The following EPHB1 variants were observed in gnomAD, a reference collection of about 807,000 sequenced individuals.
EPHB1 encodes ephrin type-B receptor 1.
EPHB1 carries 30 observed loss-of-function variants against 94.4 expected under a neutral mutation model. The observed-to-expected ratio is 0.32, with a 90% CI of 0.24 to 0.43. EPHB1 has a LOEUF of 0.43. Ranked by LOEUF, EPHB1 falls within the 20% of genes least tolerant of loss-of-function variation. The probability of loss-of-function intolerance (pLI) is 1.00; values close to 1 mark genes in which losing one functional copy is unlikely to be tolerated. For synonymous variants in EPHB1, 522 were observed against 489.1 expected, an observed-to-expected ratio of 1.07 and a Z score of -0.89; for missense variants, 1,055 against 1,308.3, an observed-to-expected ratio of 0.81 and a Z score of 2.99.
intron 3 of EPHB1, among the ~76,000 whole-genome samples, chr3:135,018,043 A>G (rs1470187656): frequency 6.6e-6 from 1 of 152,154 alleles, no homozygotes; most frequent in Non-Finnish European, 1.5e-5. Context: ...CAGAGGAGGT[A>G]GGAGAAGCAG....
intron 1 of EPHB1, among the ~76,000 whole-genome samples, chr3:134,844,826 AAG>A (rs1325557932): frequency 5.9e-5 from 9 of 152,106 alleles, no homozygotes; most frequent in African/African-American, 2.2e-4. Context: ...GCTTTTTTCA[AAG>A]AGAGTTTGCC....
At position 135,260,038 on chromosome 3, in the gene EPHB1, A is replaced by C. The variant is rs1933575626; in HGVS notation, c.*918A>C. On this transcript the variant is annotated 3_prime_UTR_variant, in exon 16 of 16. Transcript: ENST00000398015. ...GGAAGAGAGGAGAGGGAGAAAAATAAAATGAAAGGAAAAAAAAAAGTTTGC... is the reference window on the plus strand; with the variant it reads ...GGAAGAGAGGAGAGGGAGAAAAATACAATGAAAGGAAAAAAAAAAGTTTGC... 1 of 231,922 alleles carries C rather than the reference A, an allele frequency of 4.3e-6. No homozygotes were observed. The highest frequency in any genetic ancestry group is 8.6e-6 in the Non-Finnish European group (1 of 116,950). The allele number at this position is 231,922 out of a possible 1,614,324, so 14.4% of individuals were successfully genotyped here. A position where few individuals can be genotyped will look rare whatever the true frequency, so the allele number is the denominator to read the frequency against.
At chr3:135,163,694 A>G (rs565064467) in intron 7 of EPHB1, among the ~76,000 whole-genome samples, 1 of 152,360 alleles carries the variant, frequency 6.6e-6, no homozygotes, top group African/African-American at 2.4e-5. Flanking sequence ...TCTGCTAGAC[A>G]AATCAAGAAG....
chr3:135,183,034 C>CT lies in EPHB1; in HGVS notation c.1882+3055dup, dbSNP rs10694308. ...TCTTTTCTTTTCTTTTCTTTTCTTTCTTTCTTTCTTTCTTTCTTTCTTTCT... is the reference window on the plus strand; with the variant it reads ...TCTTTTCTTTTCTTTTCTTTTCTTTCTTTTCTTTCTTTCTTTCTTTCTTTCT... On this transcript the variant is annotated intron_variant, in intron 10 of 15. Transcript: ENST00000398015. Among the ~76,000 whole-genome samples the CT allele has an allele frequency of 7.7e-3, 479 of 62,208 alleles. 1 individual carries two copies. Among genetic ancestry groups the CT allele is most frequent in the Admixed American group, 0.013 (79 of 5,940 alleles). The allele number at this position is 62,208 out of a possible 152,430, so 40.8% of individuals were successfully genotyped here. A position where few individuals can be genotyped will look rare whatever the true frequency, so the allele number is the denominator to read the frequency against.
chr3:135,035,790 T>A (rs1475442964), intron 3 of EPHB1, among the ~76,000 whole-genome samples: 2 of 152,190 alleles, frequency 1.3e-5, no homozygotes, highest in Non-Finnish European at 2.9e-5. Flanking sequence ...CCATAGCATA[T>A]GAGCTTGTGG....
At chr3:135,215,069 T>A (rs1943115748) in intron 12 of EPHB1, among the ~76,000 whole-genome samples, 1 of 152,234 alleles carries the variant, frequency 6.6e-6, no homozygotes, top group African/African-American at 2.4e-5. Context: ...ACAGCTTATA[T>A]GAGTGTTGTG....
At chr3:135,083,922 C>T (rs1422412004) in intron 3 of EPHB1, among the ~76,000 whole-genome samples, 2 of 152,236 alleles carry the variant, frequency 1.3e-5, no homozygotes, top group Non-Finnish European at 2.9e-5. Context: ...GGGCCCCCTC[C>T]CTTCCCAGGA....
In EPHB1 at chr3:134,801,681, A is replaced by G. The variant is rs575803813; in HGVS notation, c.58+5992A>G. Among the ~76,000 whole-genome samples, 4 of 152,350 alleles carry G rather than the reference A, an allele frequency of 2.6e-5. No individual in the cohort carries two copies. In the East Asian group the frequency reaches 7.7e-4, roughly 29 times the overall value. ...CACCTTGGGAAAGATTTCATATTTA[A>G]AAGCAAAATTTTGCATGAGAAATTC... On this transcript the variant is annotated intron_variant, in intron 1 of 15. Coordinates refer to ENST00000398015, the MANE Select transcript of EPHB1 (RefSeq NM_004441.5).
chr3:135,243,834 C>A (rs1410866397), intron 13 of EPHB1, among the ~76,000 whole-genome samples: 1 of 152,184 alleles, frequency 6.6e-6, no homozygotes, highest in Non-Finnish European at 1.5e-5. Context: ...AGTTCTGCTG[C>A]TTGGATCTGA....
intron 3 of EPHB1, among the ~76,000 whole-genome samples, chr3:134,981,939 A>C (rs1934415696): frequency 6.6e-6 from 1 of 152,212 alleles, no homozygotes; most frequent in African/African-American, 2.4e-5. Context: ...TTGAGCCCTT[A>C]CAATAAGCCA....
At chr3:135,179,182 A>G (rs776087352) in intron 9 of EPHB1, among the ~76,000 whole-genome samples, 4 of 152,116 alleles carry the variant, frequency 2.6e-5, no homozygotes, top group Non-Finnish European at 4.4e-5. Context: ...TTTGTTTTTC[A>G]TACTTCAGTG....
chr3:134,858,527 T>C (rs779801575), intron 1 of EPHB1, among the ~76,000 whole-genome samples: 2 of 151,982 alleles, frequency 1.3e-5, no homozygotes, highest in Non-Finnish European at 1.5e-5. Flanking sequence ...CAAGGGATGA[T>C]TTAAAATCTG....
At chr3:134,860,048 T>C (rs2037214229) in intron 1 of EPHB1, among the ~76,000 whole-genome samples, 1 of 152,170 alleles carries the variant, frequency 6.6e-6, no homozygotes, top group African/African-American at 2.4e-5. Context: ...ATATGGTTTT[T>C]TCTTTTGATA....
intron 3 of EPHB1, among the ~76,000 whole-genome samples, chr3:134,991,758 A>G (rs145469839): frequency 5.7e-4 from 86 of 152,118 alleles, no homozygotes; most frequent in African/African-American, 2.0e-3. Context: ...CTCTGCCTGG[A>G]TTGCACCTCC....
Position 135,259,549 on chromosome 3 carries a change from CCT to C in EPHB1, c.*430_*431del, listed in dbSNP as rs1933558051. On this transcript the variant is annotated 3_prime_UTR_variant, in exon 16 of 16. Coordinates refer to ENST00000398015, the MANE Select transcript of EPHB1 (RefSeq NM_004441.5). ...TTTCTTTTCTCCTTTCGTACTCCTC[CCT>C]GAGAGTCCCCTCCCTTCTCCCACAC... is the stretch of plus-strand genomic sequence containing the variant. 1 of 199,638 alleles carries C rather than the reference CCT, an allele frequency of 5.0e-6. No homozygotes were observed. Among genetic ancestry groups the C allele is most frequent in the Non-Finnish European group, 1.0e-5 (1 of 96,602 alleles). 12.4% of individuals were successfully genotyped at this position (199,638 alleles called of 1,614,324 possible).
chr3:134,852,235 T>C (rs1428909514), intron 1 of EPHB1, among the ~76,000 whole-genome samples: 1 of 151,994 alleles, frequency 6.6e-6, no homozygotes, highest in African/African-American at 2.4e-5. Flanking sequence ...TCTGGCAGTC[T>C]GCCTTGACCC....
At chr3:135,200,346 G>A (rs1942721384) in intron 11 of EPHB1, among the ~76,000 whole-genome samples, 1 of 152,194 alleles carries the variant, frequency 6.6e-6, no homozygotes, top group African/African-American at 2.4e-5. Flanking sequence ...TGATAGGAGA[G>A]AGGACAGCAC....
chr3:134,835,123 G>A (rs2036650037), intron 1 of EPHB1, among the ~76,000 whole-genome samples: 1 of 152,196 alleles, frequency 6.6e-6, no homozygotes, highest in South Asian at 2.1e-4. Flanking sequence ...TCTCAATTCT[G>A]TCAGAGGCCA....
chr3:135,019,220 C>T (rs1935908007), intron 3 of EPHB1, among the ~76,000 whole-genome samples: 1 of 152,122 alleles, frequency 6.6e-6, no homozygotes, highest in Admixed American at 6.5e-5. Flanking sequence ...TCTTCCCTAC[C>T]TCTTCCAAAG....
Sources: gnomAD v4.1 joint callset for allele counts (sites outside exome capture counted in the v4.1 genomes callset) on GRCh38, gnomAD v4.1.1 for gene constraint, MANE v1.5 for transcripts, NCBI Gene and HGNC (gene_info 2026-07-23, HGNC 2026-07-21) for gene names.